The following LATS1 variants were observed in gnomAD, a reference collection of about 807,000 sequenced individuals.
LATS1 encodes the protein serine/threonine-protein kinase LATS1.
A neutral mutation model predicts 106.6 loss-of-function variants in LATS1; 25 were observed. That is an observed-to-expected ratio of 0.23 (90% CI 0.17 to 0.33). The LOEUF (loss-of-function observed/expected upper bound fraction) is 0.33. Ranked by LOEUF, LATS1 falls within the 10% of genes least tolerant of loss-of-function variation. The pLI is 1.00. For missense variants in LATS1, 1,040 were observed against 1,382.6 expected (o/e 0.75, Z 3.93); for synonymous variants, 465 against 455.6 (o/e 1.02, Z -0.26).
At chr6:149,692,035 T>C (rs993008220) in intron 3 of LATS1, among the ~76,000 whole-genome samples, 1 of 151,942 alleles carries the variant, frequency 6.6e-6, no homozygotes, top group Non-Finnish European at 1.5e-5. Flanking sequence ...CCTCACAAAC[T>C]ACTGTGTTTC....
intron 3 of LATS1, among the ~76,000 whole-genome samples, chr6:149,691,626 T>A (rs1782756821): frequency 6.6e-6 from 1 of 152,106 alleles, no homozygotes; most frequent in East Asian, 1.9e-4. Context: ...ACCTATTTCT[T>A]CTCTGTCCCC....
intron 7 of LATS1, among the ~76,000 whole-genome samples, chr6:149,667,408 C>T (rs1425772144): frequency 7.3e-6 from 1 of 136,934 alleles, no homozygotes; most frequent in African/African-American, 2.8e-5. Context: ...CTCCGCACTC[C>T]AGCCTGGGCA....
At chr6:149,713,119 C>A (rs961273150) in intron 1 of LATS1, among the ~76,000 whole-genome samples, 2 of 152,118 alleles carry the variant, frequency 1.3e-5, no homozygotes, top group African/African-American at 4.8e-5. Flanking sequence ...ACTCACCCAA[C>A]ACACACTTCA....
chr6:149,676,969 T>C (rs780277666), intron 5 of LATS1, among the ~76,000 whole-genome samples: 14 of 152,182 alleles, frequency 9.2e-5, no homozygotes, highest in Non-Finnish European at 1.9e-4. Context: ...GATTTAGTAA[T>C]TTATGCAATG....
chr6:149,686,819 C>A (rs1003812093), intron 3 of LATS1, among the ~76,000 whole-genome samples: 1 of 152,178 alleles, frequency 6.6e-6, no homozygotes, highest in Non-Finnish European at 1.5e-5. Flanking sequence ...TAAGCCCTGC[C>A]TTCATCCTGT....
At position 149,697,404 on chromosome 6, in the gene LATS1, C is replaced by G. The variant is rs574142721; in HGVS notation, c.349-2183G>C. Among the ~76,000 whole-genome samples, 39 of 152,206 alleles carry G rather than the reference C, an allele frequency of 2.6e-4. 1 individual carries two copies. Among genetic ancestry groups the G allele is most frequent in the Admixed American group, 2.1e-3 (32 of 15,284 alleles). ...CTAGGCAACAGATATGACACCTGTG[C>G]TAGAGCATGTTGCCACCAAGAAGTA... On this transcript the variant is annotated intron_variant, in intron 2 of 7. Coordinates refer to ENST00000543571, the MANE Select transcript of LATS1 (RefSeq NM_004690.4).
At chr6:149,706,182 G>T (rs534071944) in intron 1 of LATS1, among the ~76,000 whole-genome samples, 2 of 40,404 alleles carry the variant, frequency 4.9e-5, no homozygotes, top group African/African-American at 1.8e-4. Context: ...AAACCCGGTC[G>T]CAAAAAAAAA....
In LATS1 at chr6:149,661,877, C is replaced by T; in HGVS notation, c.3245G>A (p.Arg1082Lys). 6.2e-7 allele frequency: 1 copy of T among 1,613,960 alleles called. No homozygotes were observed. The change falls in exon 8 of 8, where the codon AGG (arginine) becomes AAG (lysine). Residue 1082 changes from arginine to lysine, a missense_variant. Transcript: ENST00000543571. ...TGGGTAGCCATTGTCATCAAAAAAC[C>T]TTCGGAAGGTAAATTCATAGAATGC... ...EHAFYEFTFRRFFDDNGYPYN... is the reference protein window; with the variant it reads ...EHAFYEFTFRKFFDDNGYPYN...
intron 3 of LATS1, among the ~76,000 whole-genome samples, chr6:149,692,318 G>A (rs1156291257): frequency 6.6e-6 from 1 of 152,010 alleles, no homozygotes; most frequent in African/African-American, 2.4e-5. Flanking sequence ...GCCATGCAAA[G>A]GGACACTCAC....
At chr6:149,678,086 A>G (rs4380763) in intron 5 of LATS1, among the ~76,000 whole-genome samples, 64,481 of 141,378 alleles carry the variant, frequency 0.46, 16,013 homozygotes, top group East Asian at 0.82. Context: ...TTTGGGAGGC[A>G]GAGGCAGGCA....
intron 7 of LATS1, among the ~76,000 whole-genome samples, chr6:149,668,162 A>T (rs1304388428): frequency 2.6e-5 from 4 of 152,102 alleles, no homozygotes; most frequent in Non-Finnish European, 4.4e-5. Context: ...CAGGTGATCC[A>T]CCTGCCTTGG....
chr6:149,676,674 C>T lies in LATS1; in HGVS notation c.2657G>A (p.Arg886Gln), dbSNP rs765740626. The change falls in exon 6 of 8, where the codon CGA (arginine) becomes CAA (glutamine). Residue 886 changes from arginine (R) to glutamine (Q), a missense_variant. By Grantham distance (43) the Arg-to-Gln change is conservative (BLOSUM62 1). Around this residue, in one of 7 missense-constraint regions of LATS1, gnomAD observed 63 missense variants for 64.3 expected, o/e 0.98. Transcript: ENST00000543571. ...TAATGGCTTCAGTCTGTCTCCACAT[C>T]GACAGCTTGAGGGATCCCCCCATTC... is the stretch of plus-strand genomic sequence containing the variant. ...SNEWGDPSSCRCGDRLKPLER... is the reference protein window; with the variant it reads ...SNEWGDPSSCQCGDRLKPLER... 6.9e-5 allele frequency: 111 copies of T among 1,613,912 alleles called. No homozygotes were observed. Among genetic ancestry groups the T allele is most frequent in the Middle Eastern group, 1.6e-4 (1 of 6,076 alleles).
At chr6:149,691,258 C>T (rs1344330662) in intron 3 of LATS1, among the ~76,000 whole-genome samples, 2 of 152,148 alleles carry the variant, frequency 1.3e-5, no homozygotes, top group Non-Finnish European at 2.9e-5. Context: ...CAGACACATG[C>T]ACATGCAGAG....
At chr6:149,707,011 C>CTT (rs745424840) in intron 1 of LATS1, among the ~76,000 whole-genome samples, 2,521 of 110,364 alleles carry the variant, frequency 0.023, 131 homozygotes, top group African/African-American at 0.051. Flanking sequence ...CTGGACATCT[C>CTT]TTTTTTTTTT....
intron 7 of LATS1, among the ~76,000 whole-genome samples, chr6:149,667,860 AGAAG>A (rs1470286900): frequency 6.6e-6 from 1 of 152,270 alleles, no homozygotes; most frequent in East Asian, 1.9e-4. Context: ...TATGAACGAC[AGAAG>A]GAAGTAGACA....
chr6:149,680,365 G>T lies in LATS1; in HGVS notation c.2103C>A (p.Asp701Glu). 6.2e-7 allele frequency: 1 copy of T among 1,613,856 alleles called. No homozygotes were observed. Among genetic ancestry groups the T allele is most frequent in the African/African-American group, 1.3e-5 (1 of 75,010 alleles). The change falls in exon 5 of 8, where the codon GAC (aspartate) becomes GAA (glutamate). Residue 701 changes from aspartate (D) to glutamate (E), a missense_variant. Transcript: ENST00000543571. The part of the protein sequence containing the change: ...NYIRLKRAKM[D>E]KSMFVKIKTL... ...TCTTTATCTTCACAAACATAGACTT[G>T]TCCATTTTAGCCCTTTTAAGACGGA...
Position 149,683,339 on chromosome 6 carries a change from G to C in LATS1, c.1750C>G (p.Gln584Glu). 6.2e-7 allele frequency: 1 copy of C among 1,614,182 alleles called. No individual in the cohort carries two copies. The highest frequency in any genetic ancestry group is 8.5e-7 in the Non-Finnish European group (1 of 1,180,040). Reference sequence around the variant, plus strand: ...TCATCTTCCTTGGGCAAGCTTGGCTGATCCTCTTTGCTAGGCTTACTGATT... The same window carrying C: ...TCATCTTCCTTGGGCAAGCTTGGCTCATCCTCTTTGCTAGGCTTACTGATT... Reference protein sequence around the residue: ...ESISKPSKEDQPSLPKEDESE... With the variant: ...ESISKPSKEDEPSLPKEDESE... Residue 584 changes from glutamine (Q) to glutamate (E), a missense_variant, in exon 4 of 8, where the codon CAG becomes GAG. Gln to Glu is a conservative substitution (Grantham distance 29). Around this residue, in one of 7 missense-constraint regions of LATS1, gnomAD observed 624 missense variants for 714.8 expected, o/e 0.87. Transcript: ENST00000543571.
At position 149,697,391 on chromosome 6, in the gene LATS1, T is replaced by C. The variant is rs138194420; in HGVS notation, c.349-2170A>G. ...TCGACCCCGTTTCCTAGGCAACAGA[T>C]ATGACACCTGTGCTAGAGCATGTTG... is the stretch of plus-strand genomic sequence containing the variant. On this transcript the variant is annotated intron_variant, in intron 2 of 7. Transcript: ENST00000543571. 2.4e-4 allele frequency among the ~76,000 whole-genome samples: 37 copies of C among 152,300 alleles called. 1 individual carries two copies. Among genetic ancestry groups the C allele is most frequent in the African/African-American group, 6.7e-4 (28 of 41,568 alleles).
At position 149,658,298 on chromosome 6, in the gene LATS1, G is replaced by A. The variant is rs1411545374; in HGVS notation, c.*3431C>T. 1 of 152,042 alleles carries A rather than the reference G, an allele frequency of 6.6e-6. No homozygotes were observed. Among genetic ancestry groups the A allele is most frequent in the Non-Finnish European group, 1.5e-5 (1 of 68,004 alleles). The allele number at this position is 152,042 out of a possible 1,614,324, so 9.4% of individuals were successfully genotyped here. On this transcript the variant is annotated 3_prime_UTR_variant, in exon 8 of 8. Coordinates refer to ENST00000543571, the MANE Select transcript of LATS1 (RefSeq NM_004690.4). Reference sequence around the variant, plus strand: ...ATTATGCGAAACAATTAGTTATATTGCAAAGCTGTAATTCTTTTTCTAACA... The same window carrying A: ...ATTATGCGAAACAATTAGTTATATTACAAAGCTGTAATTCTTTTTCTAACA...
Sources: allele counts gnomAD v4.1 joint callset (sites outside exome capture counted in the v4.1 genomes callset), GRCh38; gene constraint gnomAD v4.1.1; regional missense constraint gnomAD v4.1.1; transcripts MANE v1.5; gene names NCBI Gene and HGNC (gene_info 2026-07-23, HGNC 2026-07-21).